Variants in RNF13 observed in about 807,000 individuals in gnomAD.
RNF13 encodes E3 ubiquitin-protein ligase RNF13.
In RNF13, 19 loss-of-function variants were observed where a neutral mutation model predicts 37.7. The ratio of observed to expected loss-of-function variants is 0.50; its 90% confidence interval spans 0.35 to 0.74. The LOEUF (loss-of-function observed/expected upper bound fraction) is 0.74. Among genes scored for constraint, RNF13 ranks in the 30% least tolerant of loss-of-function variants. The pLI, the probability that RNF13 is intolerant of heterozygous loss-of-function variation, is 0.01. For synonymous variants in RNF13, 144 were observed against 157.8 expected (o/e 0.91, Z 0.65); for missense variants, 375 against 453.0 (o/e 0.83, Z 1.56).
chr3:149,926,799 T>G (rs1718698049), intron 8 of RNF13, among the ~76,000 whole-genome samples: 1 of 152,208 alleles, frequency 6.6e-6, no homozygotes, highest in Admixed American at 6.5e-5. Context: ...GGTTTTATTG[T>G]TTAACCGTTT....
At chr3:149,928,718 TTA>T (rs1491535467) in intron 8 of RNF13, among the ~76,000 whole-genome samples, 1 of 152,144 alleles carries the variant, frequency 6.6e-6, no homozygotes, top group African/African-American at 2.4e-5. Context: ...GCAAAAAAAG[TTA>T]TAGAATTTTG....
At chr3:149,842,181 A>G (rs895276645) in intron 1 of RNF13, among the ~76,000 whole-genome samples, 2 of 151,964 alleles carry the variant, frequency 1.3e-5, no homozygotes, top group African/African-American at 2.4e-5. Context: ...AATTATTCCT[A>G]TCTGCTGATG....
rs143279990 is a variant in RNF13 at position 149,906,900 on chromosome 3, G to C, written c.500+4738G>C. ...ACTCCTGGACTCAAGCAATCTGTCC[G>C]CCTCAGCTCCACAAAGTGTTGGGAT... On this transcript the variant is annotated intron_variant, in intron 6 of 9. Coordinates refer to ENST00000392894, the MANE Select transcript of RNF13 (RefSeq NM_183381.3). Among the ~76,000 whole-genome samples, 431 of 152,148 alleles carry C rather than the reference G, an allele frequency of 2.8e-3. 2 individuals carry two copies. The highest frequency in any genetic ancestry group is 9.9e-3 in the African/African-American group (413 of 41,512).
At chr3:149,891,404 G>A (rs1714682911) in intron 4 of RNF13, among the ~76,000 whole-genome samples, 1 of 152,124 alleles carries the variant, frequency 6.6e-6, no homozygotes, top group African/African-American at 2.4e-5. Context: ...GAAATAAGAT[G>A]AATTATTGTG....
At chr3:149,908,496 T>C (rs1468564968) in intron 6 of RNF13, among the ~76,000 whole-genome samples, 2 of 152,150 alleles carry the variant, frequency 1.3e-5, no homozygotes, top group African/African-American at 4.8e-5. Context: ...TTAAACTGCT[T>C]TTATGTTACC....
At chr3:149,865,626 C>T (rs960867447) in intron 3 of RNF13, among the ~76,000 whole-genome samples, 3 of 151,882 alleles carry the variant, frequency 2.0e-5, no homozygotes, top group African/African-American at 7.3e-5. Flanking sequence ...CCACCACAGC[C>T]AGCTAATTTT....
intron 3 of RNF13, among the ~76,000 whole-genome samples, chr3:149,859,270 A>G (rs1330949330): frequency 1.3e-5 from 2 of 152,244 alleles, no homozygotes; most frequent in African/African-American, 4.8e-5. Flanking sequence ...TGAAATAAGA[A>G]TTCTAAGATC....
intron 4 of RNF13, among the ~76,000 whole-genome samples, chr3:149,879,026 T>C (rs1713066284): frequency 6.6e-6 from 1 of 152,210 alleles, no homozygotes; most frequent in African/African-American, 2.4e-5. Context: ...GTCACATTTC[T>C]AGAACTGCAA....
rs1042852148 is a variant in RNF13, at chr3:149,848,977, G to A, written c.114+2837G>A. On this transcript the variant is annotated intron_variant, in intron 2 of 9. Transcript: ENST00000392894. ...TCAGTTACACAGGAATTCAATAAAC[G>A]TTTGAAGTAATTAAAAGCCTTCTCT... Among the ~76,000 whole-genome samples the A allele has an allele frequency of 2.6e-5, 4 of 152,066 alleles. No homozygotes were observed. In the East Asian group the frequency reaches 5.8e-4, roughly 22 times the overall value.
intron 1 of RNF13, among the ~76,000 whole-genome samples, chr3:149,841,378 TCA>T (rs1258088431): frequency 6.6e-6 from 1 of 152,216 alleles, no homozygotes; most frequent in Non-Finnish European, 1.5e-5. Context: ...TGGATCTTTT[TCA>T]CAGAAACTTT....
At chr3:149,844,979 A>G (rs1186037730) in intron 1 of RNF13, among the ~76,000 whole-genome samples, 1 of 152,156 alleles carries the variant, frequency 6.6e-6, no homozygotes, top group Non-Finnish European at 1.5e-5. Context: ...ACGCCCTGCC[A>G]ATCCCTAGGC....
chr3:149,880,105 T>C (rs1273602609), intron 4 of RNF13, among the ~76,000 whole-genome samples: 1 of 152,238 alleles, frequency 6.6e-6, no homozygotes, highest in Non-Finnish European at 1.5e-5. Context: ...AAATTCTTAC[T>C]GTAATTGCTC....
intron 7 of RNF13, among the ~76,000 whole-genome samples, chr3:149,915,013 G>A (rs1029653572): frequency 6.6e-6 from 1 of 151,468 alleles, no homozygotes; most frequent in South Asian, 2.1e-4. Context: ...TATATTTTTT[G>A]GGAAAATAAA....
chr3:149,921,612 C>T (rs1718138669), intron 8 of RNF13, among the ~76,000 whole-genome samples: 1 of 152,186 alleles, frequency 6.6e-6, no homozygotes, highest in African/African-American at 2.4e-5. Flanking sequence ...TCATCCATGT[C>T]CCTGCAAAGG....
At chr3:149,875,437 ACTT>A (rs1202350305) in intron 4 of RNF13, among the ~76,000 whole-genome samples, 5 of 152,140 alleles carry the variant, frequency 3.3e-5, no homozygotes, top group African/African-American at 1.2e-4. Context: ...CACTTTTCTT[ACTT>A]CTTTAAAAGG....
chr3:149,919,299 C>G (rs1009736791), intron 7 of RNF13, among the ~76,000 whole-genome samples: 1 of 152,044 alleles, frequency 6.6e-6, no homozygotes, highest in African/African-American at 2.4e-5. Flanking sequence ...TGTATACCTG[C>G]GAAACCACCA....
intron 3 of RNF13, among the ~76,000 whole-genome samples, chr3:149,859,606 G>A (rs1414972323): frequency 6.6e-6 from 1 of 151,958 alleles, no homozygotes; most frequent in Non-Finnish European, 1.5e-5. Context: ...TGTTCACTTA[G>A]TAGTTTTTAC....
intron 3 of RNF13, 109 bp from the exon 4 acceptor site, chr3:149,871,920 C>A: frequency 1.2e-6 from 1 of 809,994 alleles, no homozygotes; most frequent in Non-Finnish European, 1.8e-6. Context: ...CCCAATGATA[C>A]ATCTAGCATA....
At chr3:149,827,662 G>A (rs1720640129) in intron 1 of RNF13, among the ~76,000 whole-genome samples, 1 of 152,136 alleles carries the variant, frequency 6.6e-6, no homozygotes, top group Non-Finnish European at 1.5e-5. Flanking sequence ...GTATTATAGT[G>A]TGATAGAAAG....
Sources: allele counts gnomAD v4.1 joint callset (sites outside exome capture counted in the v4.1 genomes callset), GRCh38; gene constraint gnomAD v4.1.1; transcripts MANE v1.5; gene names NCBI Gene and HGNC (gene_info 2026-07-23, HGNC 2026-07-21).